WWOX: variants seen among roughly 807,000 people sequenced by gnomAD.
WWOX encodes WW domain containing oxidoreductase, also known as WW domain-containing oxidoreductase.
WWOX carries 69 observed loss-of-function variants against 46.2 expected under a neutral mutation model. The ratio of observed to expected loss-of-function variants is 1.49; its 90% CI spans 1.23 to 1.82. The LOEUF is 1.82. WWOX is among the 40% of genes most tolerant of loss of function. The pLI is 0.00. For missense variants in WWOX, 919 were observed against 542.6 expected, an observed-to-expected ratio of 1.69 and a Z score of -6.89; for synonymous variants, 359 against 202.6, an observed-to-expected ratio of 1.77 and a Z score of -6.56.
chr16:79,210,568 T>C (rs1162719119), intron 8 of WWOX, among the ~76,000 whole-genome samples: 1 of 152,082 alleles, frequency 6.6e-6, no homozygotes, highest in Non-Finnish European at 1.5e-5. Context: ...TTGCAACCCC[T>C]CTCCCTCTCA....
intron 8 of WWOX, among the ~76,000 whole-genome samples, chr16:78,709,304 T>G (rs2048389118): frequency 6.6e-6 from 1 of 152,188 alleles, no homozygotes; most frequent in Non-Finnish European, 1.5e-5. Flanking sequence ...CAAGATTAAC[T>G]CATTTAACTT....
At chr16:78,963,049 A>G (rs1306323659) in intron 8 of WWOX, among the ~76,000 whole-genome samples, 1 of 152,238 alleles carries the variant, frequency 6.6e-6, no homozygotes, top group Non-Finnish European at 1.5e-5. Context: ...AAAAGTTGAA[A>G]GAATTGTACT....
At chr16:78,403,679 G>A (rs1356937190) in intron 6 of WWOX, among the ~76,000 whole-genome samples, 4 of 152,220 alleles carry the variant, frequency 2.6e-5, no homozygotes, top group Non-Finnish European at 4.4e-5. Flanking sequence ...GGCCCTGGAT[G>A]AGGCACTGCT....
intron 8 of WWOX, among the ~76,000 whole-genome samples, chr16:78,620,459 C>G (rs764958073): frequency 1.3e-5 from 2 of 152,156 alleles, no homozygotes; most frequent in Non-Finnish European, 2.9e-5. Context: ...AACTTGGTCC[C>G]TGGATGGGAG....
chr16:78,309,393 C>A (rs77543144), intron 5 of WWOX, among the ~76,000 whole-genome samples: 2,516 of 152,234 alleles, frequency 0.017, 71 homozygotes, highest in African/African-American at 0.056. Flanking sequence ...AACATCTTGC[C>A]TTTATAAATT....
intron 4 of WWOX, among the ~76,000 whole-genome samples, chr16:78,157,050 C>G (rs760982089): frequency 1.3e-5 from 2 of 152,154 alleles, no homozygotes; most frequent in Admixed American, 1.3e-4. Context: ...TGTTTACTCT[C>G]ATTTCCACTC....
chr16:78,500,911 GTC>G (rs1471346067), intron 8 of WWOX, among the ~76,000 whole-genome samples: 4 of 152,184 alleles, frequency 2.6e-5, no homozygotes, highest in African/African-American at 9.7e-5. Context: ...AAGCCAGTGT[GTC>G]TCTTTCTCTG....
Position 78,575,038 on chromosome 16 carries a change from T to TAA in WWOX, c.1056+142287_1056+142288insAA, listed in dbSNP as rs2044829795. On this transcript the variant is annotated intron_variant, in intron 8 of 8. Transcript: ENST00000566780. ...ATATATATAAATATATATATATATATATATATATATATATATATATATATA... is the reference window on the plus strand; with the variant it reads ...ATATATATAAATATATATATATATATAAATATATATATATATATATATATATA... 1.6e-3 allele frequency among the ~76,000 whole-genome samples: 5 copies of TAA among 3,042 alleles called. 1 individual carries two copies. The highest frequency in any genetic ancestry group is 9.3e-3 in the Admixed American group (2 of 214). 2.0% of individuals were successfully genotyped at this position (3,042 alleles called of 152,430 possible).
chr16:78,732,904 G>C lies in WWOX; in HGVS notation c.1056+300152G>C, dbSNP rs571779707. Among the ~76,000 whole-genome samples, 3 of 152,146 alleles carry C rather than the reference G, an allele frequency of 2.0e-5. No individual in the cohort carries two copies. The East Asian group carries it at 5.8e-4, about 29-fold the overall frequency. ...TTCTTGAGAATAAGCGCTGTGTTTC[G>C]CAAGAGTAAAGAAGTGGCATTTATT... is the stretch of plus-strand genomic sequence containing the variant. On this transcript the variant is annotated intron_variant, in intron 8 of 8. Transcript: ENST00000566780.
chr16:79,119,481 C>G (rs1399033299), intron 8 of WWOX, among the ~76,000 whole-genome samples: 3 of 152,198 alleles, frequency 2.0e-5, no homozygotes, highest in African/African-American at 7.2e-5. Context: ...GAGTCTGACA[C>G]TTTGTAGGTG....
At chr16:78,194,682 A>G (rs1407644461) in intron 5 of WWOX, among the ~76,000 whole-genome samples, 1 of 152,064 alleles carries the variant, frequency 6.6e-6, no homozygotes, top group Non-Finnish European at 1.5e-5. Context: ...CTGGGACTGA[A>G]TAGCAGCTGC....
chr16:78,415,163 A>C (rs1408589987), intron 6 of WWOX, among the ~76,000 whole-genome samples: 1 of 151,124 alleles, frequency 6.6e-6, no homozygotes, highest in Non-Finnish European at 1.5e-5. Context: ...ATGAGTTTTC[A>C]CGGAAAGGGG....
intron 5 of WWOX, among the ~76,000 whole-genome samples, chr16:78,234,390 A>G (rs2037369117): frequency 6.6e-6 from 1 of 152,132 alleles, no homozygotes; most frequent in Non-Finnish European, 1.5e-5. Context: ...CTTGAGGGTC[A>G]TGAGAAGTTC....
chr16:78,577,478 C>G, intron 8 of WWOX, among the ~76,000 whole-genome samples: 1 of 152,156 alleles, frequency 6.6e-6, no homozygotes, highest in Non-Finnish European at 1.5e-5. Flanking sequence ...ACCTTGAATT[C>G]ACCAGGAAGG....
At chr16:78,112,772 T>C (rs750755216) in intron 3 of WWOX, among the ~76,000 whole-genome samples, 8 of 150,662 alleles carry the variant, frequency 5.3e-5, no homozygotes, top group Non-Finnish European at 7.4e-5. Context: ...CAGTCACAGC[T>C]CGCTGCAGCC....
intron 8 of WWOX, among the ~76,000 whole-genome samples, chr16:78,949,168 T>C (rs62035971): frequency 0.13 from 19,655 of 152,198 alleles, 1,753 homozygotes; most frequent in Non-Finnish European, 0.19. Context: ...CAGCAGATTC[T>C]TTCCTGGAGC....
chr16:78,855,356 T>A (rs1372145724), intron 8 of WWOX, among the ~76,000 whole-genome samples: 1 of 152,184 alleles, frequency 6.6e-6, no homozygotes, highest in Admixed American at 6.5e-5. Context: ...TAATTTAGTG[T>A]TAGCTGACTA....
intron 8 of WWOX, among the ~76,000 whole-genome samples, chr16:78,987,353 T>G (rs2046802580): frequency 6.6e-6 from 1 of 152,214 alleles, no homozygotes. Flanking sequence ...TAGGTTGGAA[T>G]GTGTTTGAAA....
intron 8 of WWOX, among the ~76,000 whole-genome samples, chr16:79,033,002 A>G (rs941064166): frequency 4.0e-5 from 6 of 151,748 alleles, no homozygotes; most frequent in African/African-American, 1.2e-4. Flanking sequence ...TCCCACTTAT[A>G]AGTGAGAACA....
Sources: allele counts gnomAD v4.1 joint callset (sites outside exome capture counted in the v4.1 genomes callset), GRCh38; gene constraint gnomAD v4.1.1; transcripts MANE v1.5; gene names NCBI Gene and HGNC (gene_info 2026-07-23, HGNC 2026-07-21).